The following SYNE2 variants were observed in gnomAD, a reference collection of about 807,000 sequenced individuals.
SYNE2 encodes spectrin repeat containing nuclear envelope protein 2.
A neutral mutation model predicts 856.3 loss-of-function variants in SYNE2; 431 were observed. That is an observed-to-expected ratio of 0.50 (90% CI 0.47 to 0.55). The LOEUF is 0.55. Among genes scored for constraint, SYNE2 ranks in the 20% least tolerant of loss-of-function variants. The pLI, the probability that SYNE2 is intolerant of heterozygous loss-of-function variation, is 0.00. For missense variants in SYNE2, 8,129 were observed against 8,023.2 expected (o/e 1.01, Z -0.50); for synonymous variants, 2,923 against 2,872.3 (o/e 1.02, Z -0.56).
intron 15 of SYNE2, 62 bp downstream of exon 15, chr14:63,980,794 T>C: frequency 7.9e-7 from 1 of 1,262,210 alleles, no homozygotes; most frequent in South Asian, 1.2e-5. Flanking sequence ...GTTTTATCTG[T>C]TGTGCTTTCT....
chr14:64,151,261 G>T (rs756083062), intron 84 of SYNE2, among the ~76,000 whole-genome samples: 8 of 151,734 alleles, frequency 5.3e-5, no homozygotes, highest in Non-Finnish European at 8.8e-5. Flanking sequence ...TGGTAATCTG[G>T]CAGTTTTGCG....
chr14:63,823,795 C>T (rs1273005768), intron 1 of SYNE2, among the ~76,000 whole-genome samples: 2 of 151,942 alleles, frequency 1.3e-5, no homozygotes, highest in African/African-American at 4.8e-5. Context: ...GTCACCATAG[C>T]CAGCTAATAT....
At chr14:63,945,104 CTTTTTT>C (rs34692882) in intron 6 of SYNE2, among the ~76,000 whole-genome samples, 27 of 106,248 alleles carry the variant, frequency 2.5e-4, no homozygotes, top group African/African-American at 6.5e-4. Context: ...CACACCTGGC[CTTTTTT>C]TTTTTTTTTT....
intron 1 of SYNE2, among the ~76,000 whole-genome samples, chr14:63,863,363 A>C (rs935390907): frequency 6.6e-6 from 1 of 152,168 alleles, no homozygotes; most frequent in Non-Finnish European, 1.5e-5. Context: ...GTTTTCTCCT[A>C]CTTTGGCTTT....
intron 113 of SYNE2, among the ~76,000 whole-genome samples, chr14:64,223,805 C>G (rs747848657): frequency 6.6e-6 from 1 of 152,216 alleles, no homozygotes; most frequent in Non-Finnish European, 1.5e-5. Context: ...GTGGCCTCAC[C>G]AGACTTAGGG....
chr14:64,074,921 G>A (rs1045672256), intron 53 of SYNE2, among the ~76,000 whole-genome samples: 1 of 152,118 alleles, frequency 6.6e-6, no homozygotes, highest in Admixed American at 6.5e-5. Context: ...AGAACTTTTG[G>A]TTATTATATT....
rs1427102397 is a variant in SYNE2, at chr14:64,167,304, A to G, written c.16677A>G (p.Pro5559=). The change falls in exon 91 of 116, where the codon CCA becomes CCG. Residue 5559 remains proline, a synonymous_variant. Coordinates refer to ENST00000555002, the MANE Select transcript of SYNE2 (RefSeq NM_182914.3). ...EHLNEVSLKL[P]LSDVAVKTLQ... is the part of the protein sequence containing the mutation. ...TGAATGAAGTGAGCCTCAAGCTCCC[A>G]CTTAGTGACGTAGCTGTGAAGACGT... 6.2e-7 allele frequency: 1 copy of G among 1,614,258 alleles called. No individual in the cohort carries two copies. Among genetic ancestry groups the G allele is most frequent in the Non-Finnish European group, 8.5e-7 (1 of 1,180,044 alleles).
intron 1 of SYNE2, among the ~76,000 whole-genome samples, chr14:63,872,497 T>C (rs967798491): frequency 6.0e-5 from 9 of 150,862 alleles, no homozygotes; most frequent in African/African-American, 1.7e-4. Context: ...GGCTCACACC[T>C]ATAATCCCAG....
Position 63,976,561 on chromosome 14 carries a change from A to G in SYNE2, c.1129-2A>G. 7.1e-7 allele frequency: 1 copy of G among 1,418,078 alleles called. No homozygotes were observed. Among genetic ancestry groups the G allele is most frequent in the Non-Finnish European group, 9.4e-7 (1 of 1,066,848 alleles). The allele number at this position is 1,418,078 out of a possible 1,614,324, so 87.8% of individuals were successfully genotyped here. On this transcript the variant is annotated splice_acceptor_variant, in intron 11 of 115. Coordinates refer to ENST00000555002, the MANE Select transcript of SYNE2 (RefSeq NM_182914.3). LOFTEE classifies it high-confidence loss of function. ...TGTTCTTTTTTTTTTTTTTTTTTTC[A>G]GATTAATGCATGGAAAATAAAGCTA...
At chr14:64,202,296 C>T in intron 99 of SYNE2, 1 of 702,348 alleles carries the variant, frequency 1.4e-6, no homozygotes, top group Non-Finnish European at 2.6e-6. Flanking sequence ...TCTGCTTACT[C>T]AGAGAGGAGG....
rs376133418 is a variant in SYNE2 at position 63,998,911 on chromosome 14, C to T, written c.3354-3C>T. 7.4e-6 allele frequency: 12 copies of T among 1,613,694 alleles called. No homozygotes were observed. In the African/African-American group the frequency reaches 8.0e-5, roughly 11 times the overall value. On this transcript the variant is annotated splice_polypyrimidine_tract_variant and splice_region_variant and intron_variant, in intron 26 of 115. Transcript: ENST00000555002. ...TTGTGATGTTGCATTTCATTTTGCC[C>T]AGGTATGATACATACAGAGATATTC...
chr14:63,990,586 C>G lies in SYNE2; in HGVS notation c.2472+17C>G, dbSNP rs961923021. 1 of 1,611,554 alleles carries G rather than the reference C, an allele frequency of 6.2e-7. No individual in the cohort carries two copies. The highest frequency in any genetic ancestry group is 1.1e-5 in the South Asian group (1 of 90,980). On this transcript the variant is annotated intron_variant, in intron 20 of 115. Transcript: ENST00000555002. ...AAAGTCCAGGTCTCTCTTTAATATTCCCTATTTAGTAATTCTGTTCTCTAA... is the reference window on the plus strand; with the variant it reads ...AAAGTCCAGGTCTCTCTTTAATATTGCCTATTTAGTAATTCTGTTCTCTAA...
At chr14:63,872,961 G>C (rs542310922) in intron 1 of SYNE2, among the ~76,000 whole-genome samples, 1 of 151,942 alleles carries the variant, frequency 6.6e-6, no homozygotes, top group Middle Eastern at 3.4e-3. Flanking sequence ...TTCACTTATT[G>C]GTTGATATTT....
chr14:64,081,662 T>C (rs2097524740), intron 57 of SYNE2, 82 bp downstream of exon 57: 2 of 1,496,526 alleles, frequency 1.3e-6, no homozygotes, highest in East Asian at 4.5e-5. Context: ...GGTGCTTTTT[T>C]CCTCCTTTCC....
At chr14:63,888,937 C>T (rs1465898841) in intron 1 of SYNE2, among the ~76,000 whole-genome samples, 1 of 151,696 alleles carries the variant, frequency 6.6e-6, no homozygotes, top group Non-Finnish European at 1.5e-5. Flanking sequence ...CGCGGTGGCA[C>T]ACGCCTGTAA....
chr14:63,812,411 C>T (rs551481489), intron 1 of SYNE2, among the ~76,000 whole-genome samples: 3 of 152,226 alleles, frequency 2.0e-5, no homozygotes, highest in African/African-American at 7.2e-5. Context: ...TTTCAAGATG[C>T]ACTGATTTCA....
intron 1 of SYNE2, among the ~76,000 whole-genome samples, chr14:63,842,180 G>A (rs1595165005): frequency 1.3e-5 from 2 of 150,964 alleles, no homozygotes; most frequent in African/African-American, 4.9e-5. Flanking sequence ...GTTTGTTGTT[G>A]TTGTCGTTTT....
chr14:64,098,530 G>T, intron 62 of SYNE2: 1 of 616,684 alleles, frequency 1.6e-6, no homozygotes, highest in Non-Finnish European at 2.9e-6. Context: ...TTATGAAGGG[G>T]CACAGGGGGC....
chr14:64,030,664 A>G (rs2153544900), intron 44 of SYNE2, among the ~76,000 whole-genome samples: 1 of 152,282 alleles, frequency 6.6e-6, no homozygotes, highest in Non-Finnish European at 1.5e-5. Flanking sequence ...TGATTCTTCT[A>G]TTCTTTTTAA....
Sources: gnomAD v4.1 joint callset for allele counts (sites outside exome capture counted in the v4.1 genomes callset) on GRCh38, gnomAD v4.1.1 for gene constraint, MANE v1.5 for transcripts, NCBI Gene and HGNC (gene_info 2026-07-23, HGNC 2026-07-21) for gene names.